The following RBM20 variants were observed in gnomAD, a reference collection of about 807,000 sequenced individuals.
The protein encoded by RBM20 is RNA binding motif protein 20.
In RBM20, 51 loss-of-function variants were observed where a neutral mutation model predicts 110.1. That is an observed-to-expected ratio of 0.46 (90% CI 0.37 to 0.59). RBM20 has a LOEUF of 0.59. RBM20 is among the 20% of genes least tolerant of loss of function. RBM20 has a pLI of 0.00. For missense variants in RBM20, 1,512 were observed against 1,574.9 expected (o/e 0.96, Z 0.68); for synonymous variants, 589 against 618.2 (o/e 0.95, Z 0.70).
chr10:110,739,262 G>A lies in RBM20; in HGVS notation c.192-41539G>A, dbSNP rs117075153. On this transcript the variant is annotated intron_variant, in intron 1 of 13. Transcript: ENST00000369519. This position sits in a 1 kb window ranked among gnomAD's most constrained non-coding sequence, Gnocchi z 4.1. Reference sequence around the variant, plus strand: ...TGTTTTTAGGAAGATATTTGAGCAGGAGATCATGAAAATTTTGCAAGAATC... The same window carrying A: ...TGTTTTTAGGAAGATATTTGAGCAGAAGATCATGAAAATTTTGCAAGAATC... Among the ~76,000 whole-genome samples, 287 of 152,266 alleles carry A rather than the reference G, an allele frequency of 1.9e-3. 1 individual carries two copies. Among genetic ancestry groups the A allele is most frequent in the Middle Eastern group, 6.8e-3 (2 of 294 alleles).
intron 1 of RBM20, among the ~76,000 whole-genome samples, chr10:110,754,405 CT>C (rs1389219748): frequency 1.3e-5 from 2 of 152,132 alleles, no homozygotes; most frequent in Non-Finnish European, 2.9e-5. Context: ...AAATTCTCAG[CT>C]TTTATCTTTT....
Position 110,676,909 on chromosome 10 carries a change from C to T in RBM20, c.191+32264C>T, listed in dbSNP as rs540798066. On this transcript the variant is annotated intron_variant, in intron 1 of 13. Transcript: ENST00000369519. ...ATGTTTTTAAAAAATCTCAGAGTCA[C>T]TTTAGAATTTTAAAATTTTCAAGTA... is the stretch of plus-strand genomic sequence containing the variant. Among the ~76,000 whole-genome samples, 3 of 152,262 alleles carry T rather than the reference C, an allele frequency of 2.0e-5. No individual in the cohort carries two copies. In the East Asian group the frequency reaches 5.8e-4, roughly 29 times the overall value.
intron 11 of RBM20, chr10:110,822,334 G>A (rs1300915523): frequency 6.8e-6 from 3 of 438,138 alleles, no homozygotes; most frequent in African/African-American, 6.0e-5. Context: ...CAAGAGTAGG[G>A]GATACAAGAA....
At chr10:110,760,463 G>T (rs1843983296) in intron 1 of RBM20, among the ~76,000 whole-genome samples, 1 of 90,394 alleles carries the variant, frequency 1.1e-5, no homozygotes, top group African/African-American at 4.2e-5. Context: ...TGGAGACAGG[G>T]TATCTGTTGT....
intron 12 of RBM20, among the ~76,000 whole-genome samples, chr10:110,824,483 G>A (rs1844958163): frequency 6.6e-6 from 1 of 152,194 alleles, no homozygotes; most frequent in Admixed American, 6.5e-5. Flanking sequence ...ACTTATGGGT[G>A]ACTGTGTGCC....
intron 1 of RBM20, among the ~76,000 whole-genome samples, chr10:110,701,606 T>C (rs1422296320): frequency 6.6e-6 from 1 of 152,222 alleles, no homozygotes; most frequent in Non-Finnish European, 1.5e-5. Context: ...TTTCGGTTTG[T>C]ACATATGCAT....
At chr10:110,672,759 C>T (rs1862281418) in intron 1 of RBM20, among the ~76,000 whole-genome samples, 1 of 152,182 alleles carries the variant, frequency 6.6e-6, no homozygotes, top group South Asian at 2.1e-4. Flanking sequence ...TGGACTTGTA[C>T]TTGAGTTTTT....
At chr10:110,824,167 G>A (rs1844953040) in intron 12 of RBM20, among the ~76,000 whole-genome samples, 1 of 152,164 alleles carries the variant, frequency 6.6e-6, no homozygotes, top group African/African-American at 2.4e-5. Flanking sequence ...CTGGGACCCA[G>A]AACTAAGAAG....
rs751716471 is a variant in RBM20, at chr10:110,780,507, C to A, written c.192-294C>A. Among the ~76,000 whole-genome samples the A allele has an allele frequency of 5.3e-5, 8 of 152,250 alleles. 1 individual carries two copies. The South Asian group carries it at 1.7e-3, about 32-fold the overall frequency. On this transcript the variant is annotated intron_variant, in intron 1 of 13. Transcript: ENST00000369519. The stretch of plus-strand genomic sequence containing the variant: ...TCTACTCTCTCTCCAACACGGAGTG[C>A]CATTTTAAAAAATTGCTATTTTGCT...
intron 1 of RBM20, among the ~76,000 whole-genome samples, chr10:110,779,525 A>G (rs1241416624): frequency 2.6e-5 from 4 of 152,240 alleles, no homozygotes; most frequent in Non-Finnish European, 5.9e-5. Context: ...GAGCCTCTCT[A>G]GCAAATTAGT....
chr10:110,675,323 C>T (rs758385490), intron 1 of RBM20, among the ~76,000 whole-genome samples: 1 of 152,138 alleles, frequency 6.6e-6, no homozygotes, highest in Non-Finnish European at 1.5e-5. Context: ...TGGGAGGAGG[C>T]TCCAAAGTTA....
rs139455313 is a variant in RBM20 at position 110,725,129 on chromosome 10, T to G, written c.192-55672T>G. 1.5e-3 allele frequency among the ~76,000 whole-genome samples: 231 copies of G among 152,320 alleles called. 2 individuals carry two copies. Among genetic ancestry groups the G allele is most frequent in the African/African-American group, 5.3e-3 (222 of 41,570 alleles). ...GTTAATCATTCTCACCCTGTGTAAT[T>G]CACAAGAATGACTCGGGAGTAAATG... On this transcript the variant is annotated intron_variant, in intron 1 of 13. Coordinates refer to ENST00000369519, the MANE Select transcript of RBM20 (RefSeq NM_001134363.3).
chr10:110,712,946 G>A (rs140686046), intron 1 of RBM20, among the ~76,000 whole-genome samples: 2 of 152,300 alleles, frequency 1.3e-5, no homozygotes, highest in African/African-American at 4.8e-5. Flanking sequence ...AATGGTTGCC[G>A]TCATCCTGGG....
chr10:110,745,958 C>T (rs971160952), intron 1 of RBM20, among the ~76,000 whole-genome samples: 21 of 152,106 alleles, frequency 1.4e-4, no homozygotes, highest in Non-Finnish European at 2.9e-4. Context: ...AAATCTGTTC[C>T]ATTATAAGCC....
intron 1 of RBM20, among the ~76,000 whole-genome samples, chr10:110,745,876 T>C (rs1425568581): frequency 6.6e-6 from 1 of 152,202 alleles, no homozygotes; most frequent in Non-Finnish European, 1.5e-5. Flanking sequence ...AGTAATCTAG[T>C]TTAAAATAGT....
chr10:110,685,453 A>G (rs904338890), intron 1 of RBM20, among the ~76,000 whole-genome samples: 4 of 152,134 alleles, frequency 2.6e-5, no homozygotes, highest in African/African-American at 9.7e-5. Context: ...CAGAATGGTC[A>G]TGGGGTAGCT....
intron 9 of RBM20, among the ~76,000 whole-genome samples, chr10:110,814,868 G>A (rs73358998): frequency 6.6e-6 from 1 of 152,142 alleles, no homozygotes; most frequent in Admixed American, 6.5e-5. Flanking sequence ...GGAGATAATC[G>A]GCATGGCTGC....
Position 110,767,138 on chromosome 10 carries a change from A to C in RBM20, c.192-13663A>C, listed in dbSNP as rs1315540249. Among the ~76,000 whole-genome samples the C allele has an allele frequency of 6.5e-4, 61 of 93,812 alleles. 3 individuals carry two copies. Among genetic ancestry groups the C allele is most frequent in the African/African-American group, 2.3e-3 (59 of 26,164 alleles). 61.5% of individuals were successfully genotyped at this position (93,812 alleles called of 152,430 possible). On this transcript the variant is annotated intron_variant, in intron 1 of 13. Coordinates refer to ENST00000369519, the MANE Select transcript of RBM20 (RefSeq NM_001134363.3). The stretch of plus-strand genomic sequence containing the variant: ...CTGACCCCCCCCACCTCCCTCCCGG[A>C]TGGGGTGGCTGGCCGGGCGGGGGGC...
rs890687647 is a variant in RBM20 at position 110,781,131 on chromosome 10, C to A, written c.522C>A (p.Pro174=). Residue 174 remains proline (P), a synonymous_variant, in exon 2 of 14, where the codon CCC becomes CCA. Transcript: ENST00000369519. ...FPSNAIAFSP[P]SQTRGPGPSM... is the part of the protein sequence containing the mutation. ...CTAATGCAATTGCCTTTTCACCCCC[C>A]AGCCAGACACGAGGCCCCGGACCCT... The A allele has an allele frequency of 9.0e-6, 14 of 1,551,700 alleles. No individual in the cohort carries two copies. In the East Asian group the frequency reaches 2.9e-4, roughly 32 times the overall value.
Sources: gnomAD v4.1 joint callset for allele counts (sites outside exome capture counted in the v4.1 genomes callset) on GRCh38, gnomAD v4.1.1 for gene constraint, Gnocchi (gnomAD v3.1) non-coding constraint, MANE v1.5 for transcripts, NCBI Gene and HGNC (gene_info 2026-07-23, HGNC 2026-07-21) for gene names.